The following NPRL3 variants were observed in gnomAD, a reference collection of about 807,000 sequenced individuals.
The protein encoded by NPRL3 is NPR3 like, GATOR1 complex subunit, also known as GATOR1 complex protein NPRL3.
NPRL3 carries 23 observed loss-of-function variants against 57.2 expected under a neutral mutation model. That is an observed-to-expected ratio of 0.40 (90% CI 0.29 to 0.57). NPRL3 has a LOEUF of 0.57. NPRL3 is among the 20% of genes least tolerant of loss of function. The pLI is 0.42. For synonymous variants in NPRL3, 333 were observed against 321.1 expected (o/e 1.04, Z -0.39); for missense variants, 691 against 767.1 (o/e 0.90, Z 1.17).
chr16:92,322 C>G (rs2141907078), intron 11 of NPRL3, among the ~76,000 whole-genome samples: 2 of 152,328 alleles, frequency 1.3e-5, no homozygotes, highest in Non-Finnish European at 2.9e-5. Context: ...TAACTCGGTT[C>G]TAACACTAAA....
At chr16:121,187 A>T (rs1900263462) in intron 3 of NPRL3, among the ~76,000 whole-genome samples, 1 of 152,190 alleles carries the variant, frequency 6.6e-6, no homozygotes, top group Admixed American at 6.5e-5. Flanking sequence ...GGATTCTCAG[A>T]GGCAAGCAGT....
At chr16:116,772 G>A (rs1900049867) in intron 5 of NPRL3, among the ~76,000 whole-genome samples, 1 of 144,894 alleles carries the variant, frequency 6.9e-6, no homozygotes, top group Non-Finnish European at 1.5e-5. Context: ...AGACCAGCAT[G>A]GCCAACATGG....
intron 8 of NPRL3, among the ~76,000 whole-genome samples, chr16:99,984 GAAAAA>G (rs11402477): frequency 8.6e-5 from 10 of 115,860 alleles, no homozygotes; most frequent in African/African-American, 1.6e-4. Context: ...AAAAGAAAAA[GAAAAA>G]AAAAAGAAAA....
At position 93,209 on chromosome 16, in the gene NPRL3, C is replaced by CA; in HGVS notation, c.1031+9dup. 1 of 1,524,416 alleles carries CA rather than the reference C, an allele frequency of 6.6e-7. No homozygotes were observed. The highest frequency in any genetic ancestry group is 8.9e-7 in the Non-Finnish European group (1 of 1,121,808). The allele number at this position is 1,524,416 out of a possible 1,614,324, so 94.4% of individuals were successfully genotyped here. A position where few individuals can be genotyped will look rare whatever the true frequency, so the allele number is the denominator to read the frequency against. On this transcript the variant is annotated intron_variant, in intron 10 of 13. Coordinates refer to ENST00000611875, the MANE Select transcript of NPRL3 (RefSeq NM_001077350.3). ...CGGGGCTCCAGGCTCTGGCAGCCAG[C>CA]AGCACTCACAGACATACGCTGGCAT...
chr16:109,396 A>T lies in NPRL3; in HGVS notation c.629+1129T>A, dbSNP rs1024542651. ...CGCAAACCCCAACTCTCTCAGACTG[A>T]GAGGAGACAGCTGGCCCCAGCCTCA... On this transcript the variant is annotated intron_variant, in intron 7 of 13. Coordinates refer to ENST00000611875, the MANE Select transcript of NPRL3 (RefSeq NM_001077350.3). 9.5e-3 allele frequency among the ~76,000 whole-genome samples: 1,448 copies of T among 152,260 alleles called. 67 individuals carry two copies. The East Asian group carries it at 0.13, about 14-fold the overall frequency.
At chr16:91,342 C>T (rs1898756611) in intron 11 of NPRL3, among the ~76,000 whole-genome samples, 1 of 152,236 alleles carries the variant, frequency 6.6e-6, no homozygotes, top group Non-Finnish European at 1.5e-5. Context: ...CATGCCATTG[C>T]ACTCCAGCCT....
intron 5 of NPRL3, among the ~76,000 whole-genome samples, chr16:113,888 T>C (rs767386162): frequency 1.3e-5 from 2 of 152,198 alleles, no homozygotes; most frequent in African/African-American, 2.4e-5. Context: ...CAAACAGAAC[T>C]CACACCTGGA....
In NPRL3 at chr16:98,155, G is replaced by A. The variant is rs2141920111; in HGVS notation, c.914C>T (p.Ala305Val). ...CCTCCAGAGCTATACCTGCAGCAAG[G>A]CCAGGTCCGCATCTTGGGCTAGCTG... The part of the protein sequence containing the change: ...LQQLAQDADL[A>V]LLQVFQLAAH... Residue 305 changes from alanine to valine, a missense_variant, in exon 9 of 14, where the codon GCC becomes GTC. Physicochemically the swap from Ala to Val is moderately conservative, Grantham distance 64 (BLOSUM62 0). Transcript: ENST00000611875. 1 of 1,613,678 alleles carries A rather than the reference G, an allele frequency of 6.2e-7. No homozygotes were observed. The highest frequency in any genetic ancestry group is 8.5e-7 in the Non-Finnish European group (1 of 1,179,794).
Position 88,766 on chromosome 16 carries a change from C to T in NPRL3, c.1476G>A (p.Glu492=). The T allele has an allele frequency of 1.2e-6, 2 of 1,613,734 alleles. No homozygotes were observed. The highest frequency in any genetic ancestry group is 1.7e-6 in the Non-Finnish European group (2 of 1,179,806). ...MTENLLASLS[E]HERAAILSVP... is the part of the protein sequence containing the mutation. ...CACTGAGGATGGCTGCGCGTTCATGCTCCGACAGGCTGGCCAGCAGGTTCT... is the reference window on the plus strand; with the variant it reads ...CACTGAGGATGGCTGCGCGTTCATGTTCCGACAGGCTGGCCAGCAGGTTCT... Residue 492 remains glutamate, a synonymous_variant, in exon 13 of 14, where the codon GAG becomes GAA. Transcript: ENST00000611875.
chr16:103,296 A>ATATTTTTTTTTTTTT (rs1899380750), intron 7 of NPRL3, among the ~76,000 whole-genome samples: 1 of 42,110 alleles, frequency 2.4e-5, no homozygotes, highest in Non-Finnish European at 4.1e-5. Flanking sequence ...GCCTGGGGTG[A>ATATTTTTTTTTTTTT]TTTTTTTTTT....
At chr16:105,795 T>C (rs956584467) in intron 7 of NPRL3, among the ~76,000 whole-genome samples, 5 of 152,196 alleles carry the variant, frequency 3.3e-5, no homozygotes, top group Non-Finnish European at 5.9e-5. Context: ...GAGACATCCC[T>C]GCCCTCCTGG....
intron 7 of NPRL3, among the ~76,000 whole-genome samples, chr16:103,597 A>C (rs1785363985): frequency 6.6e-6 from 1 of 152,132 alleles, no homozygotes; most frequent in African/African-American, 2.4e-5. Context: ...TGTGGCTCCC[A>C]GCACCAGTTT....
intron 3 of NPRL3, chr16:126,128 G>A (rs1423838246): frequency 1.3e-5 from 2 of 152,136 alleles, no homozygotes; most frequent in East Asian, 3.9e-4. Flanking sequence ...TGTAATCCCA[G>A]AACATTGGGA....
chr16:95,350 T>TATACATACACACACACACACACACAC (rs1223611120), intron 9 of NPRL3, among the ~76,000 whole-genome samples: 3 of 110,984 alleles, frequency 2.7e-5, no homozygotes, highest in African/African-American at 1.1e-4. Flanking sequence ...TATATATATA[T>TATACATACACACACACACACACACAC]ACACACACAC....
At chr16:137,900 A>G (rs1193041098) in intron 2 of NPRL3, among the ~76,000 whole-genome samples, 2 of 151,906 alleles carry the variant, frequency 1.3e-5, no homozygotes, top group Non-Finnish European at 2.9e-5. Context: ...TCCCAAACTC[A>G]TTTTATTTTA....
chr16:134,634 A>G (rs1474923180), intron 2 of NPRL3, among the ~76,000 whole-genome samples: 1 of 152,036 alleles, frequency 6.6e-6, no homozygotes, highest in African/African-American at 2.4e-5. Flanking sequence ...GAAAAAGAAA[A>G]GTAACGACAA....
intron 7 of NPRL3, among the ~76,000 whole-genome samples, chr16:110,120 C>A (rs191343433): frequency 1.1e-4 from 17 of 152,214 alleles, no homozygotes; most frequent in Non-Finnish European, 1.9e-4. Flanking sequence ...AAATACACAA[C>A]TAGCCGGGTG....
At chr16:121,857 C>T (rs1469432790) in intron 3 of NPRL3, among the ~76,000 whole-genome samples, 1 of 151,944 alleles carries the variant, frequency 6.6e-6, no homozygotes, top group Non-Finnish European at 1.5e-5. Flanking sequence ...TCACTGCAAC[C>T]TCCGCCTCCC....
At chr16:122,464 T>C (rs1396084432) in intron 3 of NPRL3, among the ~76,000 whole-genome samples, 1 of 152,212 alleles carries the variant, frequency 6.6e-6, no homozygotes, top group Non-Finnish European at 1.5e-5. Flanking sequence ...ATTCATGAGA[T>C]TGGGGGTGGG....
Sources: gnomAD v4.1 joint callset for allele counts (sites outside exome capture counted in the v4.1 genomes callset) on GRCh38, gnomAD v4.1.1 for gene constraint, MANE v1.5 for transcripts, NCBI Gene and HGNC (gene_info 2026-07-23, HGNC 2026-07-21) for gene names.